The following SLC37A2 variants were observed in gnomAD, a reference collection of about 807,000 sequenced individuals.
SLC37A2 encodes solute carrier family 37 member 2, also known as glucose-6-phosphate exchanger SLC37A2.
In SLC37A2, 59 loss-of-function variants were observed where a neutral mutation model predicts 70.7. The ratio of observed to expected loss-of-function variants is 0.83; its 90% CI spans 0.68 to 1.04. The LOEUF is 1.04. Ranked by LOEUF, SLC37A2 falls within the 50% of genes least tolerant of loss-of-function variation. The pLI is 0.00. For synonymous variants in SLC37A2, 257 were observed against 262.1 expected (o/e 0.98, Z 0.19); for missense variants, 580 against 658.1 (o/e 0.88, Z 1.30).
intron 4 of SLC37A2, 35 bp from the exon 5 acceptor site, chr11:125,079,077 G>C: frequency 1.2e-6 from 2 of 1,613,618 alleles, no homozygotes; most frequent in Non-Finnish European, 1.7e-6. Context: ...GGACACAGAG[G>C]AGCTTAACCG....
chr11:125,079,333 GT>G, intron 5 of SLC37A2, 86 bp downstream of exon 5: 4 of 1,560,364 alleles, frequency 2.6e-6, no homozygotes, highest in Non-Finnish European at 3.5e-6. Flanking sequence ...GTGGGAGCCT[GT>G]GTTCCTGGCT....
intron 16 of SLC37A2, 63 bp downstream of exon 16, chr11:125,085,737 C>A (rs1949206244): frequency 6.4e-7 from 1 of 1,563,216 alleles, no homozygotes; most frequent in South Asian, 1.1e-5. Context: ...GACTGGAACC[C>A]TGGAGGTCCA....
rs1265235312 is a variant in SLC37A2 at position 125,088,174 on chromosome 11, G to T, written c.*40G>T. 6.4e-7 allele frequency: 1 copy of T among 1,550,404 alleles called. No homozygotes were observed. The highest frequency in any genetic ancestry group is 2.4e-5 in the East Asian group (1 of 40,868). On this transcript the variant is annotated 3_prime_UTR_variant, in exon 18 of 18. Transcript: ENST00000403796. ...CAGCAGCATGGAGGGTCCCAGTTGG[G>T]TCCCCAACGTGCTCCCCATGGGCAA...
At chr11:125,067,694 C>G (rs1268818113) in intron 1 of SLC37A2, among the ~76,000 whole-genome samples, 1 of 152,156 alleles carries the variant, frequency 6.6e-6, no homozygotes, top group Non-Finnish European at 1.5e-5. Flanking sequence ...CCAACTTTGG[C>G]AAAATTTTAA....
intron 1 of SLC37A2, among the ~76,000 whole-genome samples, chr11:125,065,518 C>T (rs991103740): frequency 6.6e-6 from 1 of 152,116 alleles, no homozygotes; most frequent in African/African-American, 2.4e-5. Context: ...TCTCAGGGTC[C>T]CCATAATATC....
In SLC37A2 at chr11:125,082,332, T is replaced by G. The variant is rs759056132; in HGVS notation, c.974T>G (p.Val325Gly). The G allele has an allele frequency of 8.7e-6, 14 of 1,613,540 alleles. No homozygotes were observed. Among genetic ancestry groups the G allele is most frequent in the Non-Finnish European group, 1.1e-5 (13 of 1,179,752 alleles). The change falls in exon 10 of 18, where the codon GTG (valine) becomes GGG (glycine). Residue 325 changes from valine (V) to glycine (G), a missense_variant and splice_region_variant. Val to Gly is a moderately radical substitution (Grantham distance 109). Coordinates refer to ENST00000403796, the MANE Select transcript of SLC37A2 (RefSeq NM_001145290.2). Reference protein sequence around the residue: ...LYWLPLYIANVAHFSAKEAGD... With the variant: ...LYWLPLYIANGAHFSAKEAGD... ...TGGCTGCCCCTCTACATCGCCAATG[T>G]GGGTAAGTCCAAGAGAAGGGGAATG...
intron 1 of SLC37A2, among the ~76,000 whole-genome samples, chr11:125,065,341 A>G (rs1591625038): frequency 6.6e-6 from 1 of 152,244 alleles, no homozygotes; most frequent in East Asian, 1.9e-4. Context: ...TTTACCATAT[A>G]CCCCTTGTTA....
At chr11:125,073,298 C>G (rs998760509) in intron 1 of SLC37A2, among the ~76,000 whole-genome samples, 7 of 152,350 alleles carry the variant, frequency 4.6e-5, no homozygotes, top group African/African-American at 1.7e-4. Flanking sequence ...GGCCAGAGCT[C>G]CAGGAGCTTC....
At position 125,084,346 on chromosome 11, in the gene SLC37A2, C is replaced by T. The variant is rs73024323; in HGVS notation, c.1125+27C>T. 2,346 of 1,609,884 alleles carry T rather than the reference C, an allele frequency of 1.5e-3. 2 individuals carry two copies. Among genetic ancestry groups the T allele is most frequent in the Non-Finnish European group, 1.8e-3 (2,114 of 1,176,184 alleles). The stretch of plus-strand genomic sequence containing the variant: ...TGCGTATAACCCCGAGGGTGAAGTG[C>T]GAATGCATGTGAGCAGGAGCCTGTG... On this transcript the variant is annotated intron_variant, in intron 12 of 17. Transcript: ENST00000403796.
chr11:125,086,112 C>A, intron 17 of SLC37A2, 94 bp downstream of exon 17: 10 of 1,537,514 alleles, frequency 6.5e-6, no homozygotes, highest in Middle Eastern at 1.7e-4. Flanking sequence ...GGCTGAGGCT[C>A]GACCAGCCCA....
In SLC37A2 at chr11:125,083,821, T is replaced by G; in HGVS notation, c.983T>G (p.Phe328Cys). ...ATACCTGTATTTTCCACAGCTCACT[T>G]TAGTGCCAAGGAGGCTGGGGACCTG... Reference protein sequence around the residue: ...LPLYIANVAHFSAKEAGDLST... With the variant: ...LPLYIANVAHCSAKEAGDLST... The change falls in exon 11 of 18, where the codon TTT becomes TGT. Residue 328 changes from phenylalanine (F) to cysteine (C), a missense_variant. Physicochemically the swap from Phe to Cys is radical, Grantham distance 205. Transcript: ENST00000403796. The surrounding 1 kb of genome is among the most constrained non-coding windows in gnomAD (Gnocchi z 4.6). The G allele has an allele frequency of 1.2e-6, 2 of 1,614,126 alleles. No homozygotes were observed. The highest frequency in any genetic ancestry group is 1.7e-6 in the Non-Finnish European group (2 of 1,179,978).
chr11:125,084,742 A>C, intron 12 of SLC37A2, 83 bp from the exon 13 acceptor site: 35 of 1,415,824 alleles, frequency 2.5e-5, no homozygotes, highest in Non-Finnish European at 3.0e-5. Flanking sequence ...GTTTCAGGGC[A>C]GGAGATGGTT....
At chr11:125,072,644 G>C (rs1949040906) in intron 1 of SLC37A2, among the ~76,000 whole-genome samples, 1 of 152,250 alleles carries the variant, frequency 6.6e-6, no homozygotes. Flanking sequence ...GAGAGGAGAA[G>C]TGAAACCTGC....
In SLC37A2 at chr11:125,090,186, C is replaced by A. The variant is rs1365094981; in HGVS notation, c.*2052C>A. 1 of 152,212 alleles carries A rather than the reference C, an allele frequency of 6.6e-6. No individual in the cohort carries two copies. Among genetic ancestry groups the A allele is most frequent in the Non-Finnish European group, 1.5e-5 (1 of 68,076 alleles). The allele number at this position is 152,212 out of a possible 1,614,324, so 9.4% of individuals were successfully genotyped here. A position where few individuals can be genotyped will look rare whatever the true frequency, so the allele number is the denominator to read the frequency against. ...AGGTTTATAAACACACCAATCAACA[C>A]CCTGTGTCTAGCTCAGGGTTTGTGA... is the stretch of plus-strand genomic sequence containing the variant. On this transcript the variant is annotated 3_prime_UTR_variant, in exon 18 of 18. Transcript: ENST00000403796.
rs1037321120 is a variant in SLC37A2 at position 125,082,411 on chromosome 11, T to C, written c.976+77T>C. Reference sequence around the variant, plus strand: ...CTCTGGTGGGAGAGGAAGCCCGTCGTGGTGATGCCTGTGATTCCAGTATAT... The same window carrying C: ...CTCTGGTGGGAGAGGAAGCCCGTCGCGGTGATGCCTGTGATTCCAGTATAT... On this transcript the variant is annotated intron_variant, in intron 10 of 17. Transcript: ENST00000403796. The C allele has an allele frequency of 2.4e-6, 3 of 1,240,228 alleles. No individual in the cohort carries two copies. The African/African-American group carries it at 4.4e-5, about 18-fold the overall frequency. The allele number at this position is 1,240,228 out of a possible 1,614,324, so 76.8% of individuals were successfully genotyped here. A position where few individuals can be genotyped will look rare whatever the true frequency, so the allele number is the denominator to read the frequency against.
rs149964026 is a variant in SLC37A2 at position 125,072,751 on chromosome 11, C to T, written c.60-4006C>T. Among the ~76,000 whole-genome samples the T allele has an allele frequency of 3.7e-3, 563 of 152,330 alleles. 7 individuals carry two copies. Among genetic ancestry groups the T allele is most frequent in the African/African-American group, 0.013 (521 of 41,572 alleles). On this transcript the variant is annotated intron_variant, in intron 1 of 17. Coordinates refer to ENST00000403796, the MANE Select transcript of SLC37A2 (RefSeq NM_001145290.2). ...CGTCTAGCCTAGCCCTTAACCTGAC[C>T]GAAGTTCCCAGTCTCCTGTGAACCA...
At position 125,083,314 on chromosome 11, in the gene SLC37A2, T is replaced by A. The variant is rs1410134297; in HGVS notation, c.977-501T>A. ...GGCACCCTCGAGGGTGGGGCTACAATCTCAGCTTCTGGACATTCCTTTTTT... is the reference window on the plus strand; with the variant it reads ...GGCACCCTCGAGGGTGGGGCTACAAACTCAGCTTCTGGACATTCCTTTTTT... On this transcript the variant is annotated intron_variant, in intron 10 of 17. Transcript: ENST00000403796. This position sits in a 1 kb window ranked among gnomAD's most constrained non-coding sequence, Gnocchi z 4.6. 2.0e-5 allele frequency: 3 copies of A among 153,148 alleles called. No individual in the cohort carries two copies. The highest frequency in any genetic ancestry group is 1.9e-4 in the Admixed American group (3 of 15,402). The allele number at this position is 153,148 out of a possible 1,614,324, so 9.5% of individuals were successfully genotyped here.
At chr11:125,069,357 G>A (rs1208000819) in intron 1 of SLC37A2, among the ~76,000 whole-genome samples, 2 of 152,140 alleles carry the variant, frequency 1.3e-5, no homozygotes, top group African/African-American at 4.8e-5. Flanking sequence ...TGTTGGGTGG[G>A]GAAAAGATTA....
chr11:125,082,400 G>A, intron 10 of SLC37A2, 66 bp downstream of exon 10: 1 of 1,415,624 alleles, frequency 7.1e-7, no homozygotes, highest in Admixed American at 1.7e-5. Context: ...GGTGGGAGAG[G>A]AAGCCCGTCG....
Sources: gnomAD v4.1 joint callset for allele counts (sites outside exome capture counted in the v4.1 genomes callset) on GRCh38, gnomAD v4.1.1 for gene constraint, Gnocchi (gnomAD v3.1) non-coding constraint, MANE v1.5 for transcripts, NCBI Gene and HGNC (gene_info 2026-07-23, HGNC 2026-07-21) for gene names.